The following ANKRD28 variants were observed in gnomAD, a reference collection of about 807,000 sequenced individuals.
The protein encoded by ANKRD28 is serine/threonine-protein phosphatase 6 regulatory ankyrin repeat subunit A.
Under a neutral mutation model 126.5 loss-of-function variants are expected in ANKRD28, and 44 were observed. The observed-to-expected ratio is 0.35, with a 90% CI of 0.27 to 0.45. The LOEUF is 0.45. Ranked by LOEUF, ANKRD28 falls within the 20% of genes least tolerant of loss-of-function variation. ANKRD28 has a pLI of 1.00. For missense variants in ANKRD28, 1,110 were observed against 1,316.6 expected, an observed-to-expected ratio of 0.84 and a Z score of 2.43; for synonymous variants, 442 against 468.5, an observed-to-expected ratio of 0.94 and a Z score of 0.73.
In ANKRD28 at chr3:15,772,782, G is replaced by C. The variant is rs188907667; in HGVS notation, c.202-6470C>G. On this transcript the variant is annotated intron_variant, in intron 2 of 27. Transcript: ENST00000683139. ...GCTCACTGCAACCTCCACCTCCCGG[G>C]TTCAAGCGATTCTCCTGCCTCAGCC... is the stretch of plus-strand genomic sequence containing the variant. Among the ~76,000 whole-genome samples, 522 of 152,224 alleles carry C rather than the reference G, an allele frequency of 3.4e-3. 2 individuals carry two copies. Among genetic ancestry groups the C allele is most frequent in the African/African-American group, 0.012 (502 of 41,532 alleles).
At chr3:15,780,853 A>G (rs951479832) in intron 2 of ANKRD28, among the ~76,000 whole-genome samples, 3 of 152,182 alleles carry the variant, frequency 2.0e-5, no homozygotes, top group Non-Finnish European at 4.4e-5. Context: ...GATGTTAGGA[A>G]AACTGGATAT....
At position 15,816,628 on chromosome 3, in the gene ANKRD28, A is replaced by C. The variant is rs1357609577; in HGVS notation, c.28-21322T>G. On this transcript the variant is annotated intron_variant, in intron 1 of 27. Transcript: ENST00000399451. This position sits in a 1 kb window ranked among gnomAD's most constrained non-coding sequence, Gnocchi z 5.0. The stretch of plus-strand genomic sequence containing the variant: ...AGTGTTTGGTGCCCTTTATTTTACT[A>C]CACTATTTAACCCACTAGATGCTAA... Among the ~76,000 whole-genome samples, 1 of 152,202 alleles carries C rather than the reference A, an allele frequency of 6.6e-6. No individual in the cohort carries two copies. The highest frequency in any genetic ancestry group is 6.5e-5 in the Admixed American group (1 of 15,274).
chr3:15,758,618 T>C (rs2058293996), intron 3 of ANKRD28, among the ~76,000 whole-genome samples: 1 of 152,178 alleles, frequency 6.6e-6, no homozygotes, highest in Non-Finnish European at 1.5e-5. Context: ...GACAGCGATT[T>C]TGCAAGCCAG....
chr3:15,712,252 C>A, intron 10 of ANKRD28, 30 bp from the exon 11 acceptor site: 6 of 1,494,526 alleles, frequency 4.0e-6, no homozygotes, highest in Non-Finnish European at 5.5e-6. Context: ...ACAGTATCTT[C>A]ATTTTAACAC....
chr3:15,845,000 C>G (rs2061500544), intron 1 of ANKRD28, among the ~76,000 whole-genome samples: 1 of 152,130 alleles, frequency 6.6e-6, no homozygotes, highest in African/African-American at 2.4e-5. Flanking sequence ...GCAGGCATAT[C>G]TTACATGGCT....
Position 15,686,262 on chromosome 3 carries a change from C to T in ANKRD28, c.2011G>A (p.Glu671Lys), listed in dbSNP as rs1213181691. The part of the protein sequence containing the change: ...ECLRLLIGNA[E>K]PQNAVDIQDG... Reference sequence around the variant, plus strand: ...TGAATATCCACTGCATTCTGTGGTTCTGCATTTCCTATTAATAGCCGTAAG... The same window carrying T: ...TGAATATCCACTGCATTCTGTGGTTTTGCATTTCCTATTAATAGCCGTAAG... The change falls in exon 19 of 28, where the codon GAA becomes AAA. Residue 671 changes from glutamate to lysine, a missense_variant. Coordinates refer to ENST00000683139, the MANE Select transcript of ANKRD28 (RefSeq NM_001349278.2). 6.3e-7 allele frequency: 1 copy of T among 1,593,012 alleles called. No homozygotes were observed. Among genetic ancestry groups the T allele is most frequent in the South Asian group, 1.1e-5 (1 of 87,848 alleles).
At chr3:15,837,145 A>G (rs2061344429) in intron 1 of ANKRD28, among the ~76,000 whole-genome samples, 1 of 151,936 alleles carries the variant, frequency 6.6e-6, no homozygotes, top group Non-Finnish European at 1.5e-5. Context: ...CTAACAAAAC[A>G]GTCCCAAAAT....
rs187234052 is a variant in ANKRD28 at position 15,812,754 on chromosome 3, A to G, written c.28-17448T>C. On this transcript the variant is annotated intron_variant, in intron 1 of 27. Transcript: ENST00000399451. The surrounding 1 kb of genome is among the most constrained non-coding windows in gnomAD (Gnocchi z 4.1). ...ATTTCCAATGGAACTCTAGTTACCA[A>G]CAGCCATCCCACAGAACAACAAATA... Among the ~76,000 whole-genome samples, 61 of 152,326 alleles carry G rather than the reference A, an allele frequency of 4.0e-4. No homozygotes were observed. The highest frequency in any genetic ancestry group is 1.5e-3 in the African/African-American group (61 of 41,580).
Position 15,843,772 on chromosome 3 carries a change from TAAAAAAAAA to T in ANKRD28, c.27+15596_27+15604del, listed in dbSNP as rs35843528. On this transcript the variant is annotated intron_variant, in intron 1 of 27. Coordinates refer to the ANKRD28 transcript ENST00000399451. This position sits in a 1 kb window ranked among gnomAD's most constrained non-coding sequence, Gnocchi z 5.2. The stretch of plus-strand genomic sequence containing the variant: ...GTAGGCCAGTTTGAGCCAAAAATAA[TAAAAAAAAA>T]AAAGAGGCAGAAATCAAAATGTAGA... Among the ~76,000 whole-genome samples, 1 of 146,606 alleles carries T rather than the reference TAAAAAAAAA, an allele frequency of 6.8e-6. No individual in the cohort carries two copies. Among genetic ancestry groups the T allele is most frequent in the Admixed American group, 6.7e-5 (1 of 14,938 alleles).
chr3:15,832,915 A>G (rs986025776), intron 1 of ANKRD28, among the ~76,000 whole-genome samples: 1 of 151,884 alleles, frequency 6.6e-6, no homozygotes, highest in African/African-American at 2.4e-5. Flanking sequence ...CCTTTTTGAC[A>G]TGATTTCTTT....
chr3:15,761,094 C>A (rs1237616300), intron 3 of ANKRD28, among the ~76,000 whole-genome samples: 1 of 152,058 alleles, frequency 6.6e-6, no homozygotes, highest in Non-Finnish European at 1.5e-5. Flanking sequence ...AGAACTCTTG[C>A]TATGGATATC....
At chr3:15,858,727 T>C (rs983669769) in intron 1 of ANKRD28, among the ~76,000 whole-genome samples, 1 of 152,148 alleles carries the variant, frequency 6.6e-6, no homozygotes, top group African/African-American at 2.4e-5. Context: ...AATGTTTAGG[T>C]GTACAAAACA....
intron 27 of ANKRD28, 49 bp downstream of exon 27, chr3:15,675,849 A>G (rs2066880574): frequency 7.0e-7 from 1 of 1,428,154 alleles, no homozygotes; most frequent in African/African-American, 1.4e-5. Flanking sequence ...AATATGGATC[A>G]AAAGATAAAA....
intron 6 of ANKRD28, among the ~76,000 whole-genome samples, chr3:15,731,571 T>C (rs537513396): frequency 3.9e-5 from 6 of 152,264 alleles, no homozygotes; most frequent in African/African-American, 1.2e-4. Context: ...AGTACATAAC[T>C]AGCGGCACAT....
At chr3:15,726,835 C>T (rs920321789) in intron 6 of ANKRD28, among the ~76,000 whole-genome samples, 3 of 152,186 alleles carry the variant, frequency 2.0e-5, no homozygotes, top group African/African-American at 2.4e-5. Flanking sequence ...TAGAGGCTAA[C>T]GCAGCTAATG....
intron 6 of ANKRD28, among the ~76,000 whole-genome samples, chr3:15,725,428 T>G (rs898624147): frequency 1.6e-4 from 25 of 152,236 alleles, no homozygotes; most frequent in African/African-American, 6.0e-4. Context: ...GTTTAATACC[T>G]TCATAAATTC....
chr3:15,857,927 A>G (rs2061810406), intron 1 of ANKRD28, among the ~76,000 whole-genome samples: 1 of 152,254 alleles, frequency 6.6e-6, no homozygotes, highest in Admixed American at 6.5e-5. Flanking sequence ...TGACTGGTAA[A>G]GGTTACTGGA....
At chr3:15,844,817 CTATT>C (rs1443689048) in intron 1 of ANKRD28, among the ~76,000 whole-genome samples, 1 of 152,138 alleles carries the variant, frequency 6.6e-6, no homozygotes, top group Non-Finnish European at 1.5e-5. Flanking sequence ...TTAAGGGACT[CTATT>C]TGTATTAGTC....
Position 15,854,672 on chromosome 3 carries a change from G to GTT in ANKRD28, c.27+4703_27+4704dup, listed in dbSNP as rs903882902. Among the ~76,000 whole-genome samples the GTT allele has an allele frequency of 2.7e-5, 4 of 149,418 alleles. No individual in the cohort carries two copies. Among genetic ancestry groups the GTT allele is most frequent in the African/African-American group, 9.8e-5 (4 of 40,750 alleles). ...TATCTCACTTACCCTACATCTATGT[G>GTT]TTTTTTTTTTCCCCTCTTCTAAGAT... On this transcript the variant is annotated intron_variant, in intron 1 of 27. Coordinates refer to the ANKRD28 transcript ENST00000399451. This position sits in a 1 kb window ranked among gnomAD's most constrained non-coding sequence, Gnocchi z 4.1.
Sources: gnomAD v4.1 joint callset for allele counts (sites outside exome capture counted in the v4.1 genomes callset) on GRCh38, gnomAD v4.1.1 for gene constraint, Gnocchi (gnomAD v3.1) non-coding constraint, MANE v1.5 for transcripts, NCBI Gene and HGNC (gene_info 2026-07-23, HGNC 2026-07-21) for gene names.